NXN: variants seen among roughly 807,000 people sequenced by gnomAD.
The protein encoded by NXN is nucleoredoxin, also known as nucleoredoxin 1.
NXN carries 16 observed loss-of-function variants against 48.6 expected under a neutral mutation model. The ratio of observed to expected loss-of-function variants is 0.33; its 90% CI spans 0.22 to 0.50. The LOEUF (loss-of-function observed/expected upper bound fraction) is 0.50. Ranked by LOEUF, NXN falls within the 20% of genes least tolerant of loss-of-function variation. NXN has a pLI of 0.98. For synonymous variants in NXN, 281 were observed against 269.6 expected (o/e 1.04, Z -0.41); for missense variants, 492 against 605.5 (o/e 0.81, Z 1.97).
chr17:807,685 T>A lies in NXN; in HGVS notation c.821-2438A>T, dbSNP rs948363723. ...GTGTTGGGCCGCGTGACTGTCTGCA[T>A]AAGCAGAAACCAACTTGGGCCCAAG... On this transcript the variant is annotated intron_variant, in intron 5 of 7. Transcript: ENST00000336868. Among the ~76,000 whole-genome samples the A allele has an allele frequency of 7.9e-5, 12 of 152,212 alleles. No homozygotes were observed. In the East Asian group the frequency reaches 2.3e-3, roughly 29 times the overall value.
Position 801,780 on chromosome 17 carries a change from C to A in NXN, c.1126-649G>T, listed in dbSNP as rs148167773. Among the ~76,000 whole-genome samples, 192 of 152,268 alleles carry A rather than the reference C, an allele frequency of 1.3e-3. 2 individuals are homozygous for A. The highest frequency in any genetic ancestry group is 4.3e-3 in the African/African-American group (178 of 41,574). The stretch of plus-strand genomic sequence containing the variant: ...AGCCTCTGATTGTTTATTTTTGTAA[C>A]CAACTGTCAATGATTTGCAGCCCCA... On this transcript the variant is annotated intron_variant, in intron 7 of 7. Coordinates refer to ENST00000336868, the MANE Select transcript of NXN (RefSeq NM_022463.5).
chr17:908,205 T>A (rs1162771485), intron 1 of NXN, among the ~76,000 whole-genome samples: 1 of 152,214 alleles, frequency 6.6e-6, no homozygotes, highest in African/African-American at 2.4e-5. Context: ...TTCTGACCCC[T>A]GATTTTTCTC....
At chr17:837,841 A>G (rs1478843956) in intron 1 of NXN, among the ~76,000 whole-genome samples, 1 of 151,804 alleles carries the variant, frequency 6.6e-6, no homozygotes, top group African/African-American at 2.4e-5. Flanking sequence ...AGAATTCCAA[A>G]CCCTCCTGGT....
chr17:864,071 GC>G, intron 1 of NXN: 1 of 1,450,418 alleles, frequency 6.9e-7, no homozygotes, highest in Non-Finnish European at 9.0e-7. Context: ...CGGTGAAGGG[GC>G]ACAGTTACCG....
intron 5 of NXN, among the ~76,000 whole-genome samples, chr17:807,186 C>G (rs1911603265): frequency 1.3e-5 from 2 of 152,208 alleles, no homozygotes; most frequent in African/African-American, 2.4e-5. Flanking sequence ...CAGGGACCAC[C>G]ACAGGGACAG....
chr17:839,066 A>G (rs1446662723), intron 1 of NXN, among the ~76,000 whole-genome samples: 1 of 152,196 alleles, frequency 6.6e-6, no homozygotes, highest in Non-Finnish European at 1.5e-5. Context: ...TGAGGATAAT[A>G]ACAACACTGC....
At chr17:893,244 A>G (rs2068442435) in intron 1 of NXN, among the ~76,000 whole-genome samples, 1 of 152,192 alleles carries the variant, frequency 6.6e-6, no homozygotes, top group Non-Finnish European at 1.5e-5. Context: ...AGACTGGAAA[A>G]GGTGAGCTTT....
intron 1 of NXN, among the ~76,000 whole-genome samples, chr17:858,517 G>A (rs562853646): frequency 5.3e-5 from 8 of 151,854 alleles, no homozygotes; most frequent in African/African-American, 1.9e-4. Context: ...CACGAGGTCA[G>A]GAGATCGAGA....
In NXN at chr17:800,726, T is replaced by G; in HGVS notation, c.*223A>C. 2 of 376,582 alleles carry G rather than the reference T, an allele frequency of 5.3e-6. No homozygotes were observed. Among genetic ancestry groups the G allele is most frequent in the Non-Finnish European group, 9.4e-6 (2 of 211,794 alleles). 23.3% of individuals were successfully genotyped at this position (376,582 alleles called of 1,614,324 possible). A position where few individuals can be genotyped will look rare whatever the true frequency, so the allele number is the denominator to read the frequency against. On this transcript the variant is annotated 3_prime_UTR_variant, in exon 8 of 8. Coordinates refer to ENST00000336868, the MANE Select transcript of NXN (RefSeq NM_022463.5). ...TCTGGCCGGGCCCCCGGCCATCCCG[T>G]GCTCCCAAACAGAGTCTCCAAACAC... is the stretch of plus-strand genomic sequence containing the variant.
chr17:926,824 G>T (rs959598074), intron 1 of NXN, among the ~76,000 whole-genome samples: 7 of 152,036 alleles, frequency 4.6e-5, no homozygotes, highest in African/African-American at 1.4e-4. Flanking sequence ...TTCCAGGCGT[G>T]AGCCAACGTG....
intron 1 of NXN, among the ~76,000 whole-genome samples, chr17:972,130 A>G (rs989815887): frequency 6.6e-6 from 1 of 152,098 alleles, no homozygotes; most frequent in Non-Finnish European, 1.5e-5. Flanking sequence ...GTGAAACCCC[A>G]TCTCTACTAA....
chr17:840,949 C>T (rs916658421), intron 1 of NXN, among the ~76,000 whole-genome samples: 1 of 152,204 alleles, frequency 6.6e-6, no homozygotes, highest in Admixed American at 6.5e-5. Context: ...GTTCTGGCAG[C>T]CCCCACTCCT....
intron 1 of NXN, among the ~76,000 whole-genome samples, chr17:947,456 G>C (rs191872960): frequency 1.4e-4 from 22 of 151,948 alleles, no homozygotes; most frequent in Non-Finnish European, 2.9e-4. Context: ...TTCAGGGCTC[G>C]GCGTGGTGGC....
intron 1 of NXN, among the ~76,000 whole-genome samples, chr17:831,188 C>T (rs1009657662): frequency 3.3e-5 from 5 of 151,314 alleles, no homozygotes; most frequent in East Asian, 2.0e-4. Flanking sequence ...GGCTGGGTGC[C>T]GTGGATCACA....
chr17:896,855 C>CCCGGGGGGGGGGGGG, intron 1 of NXN: 1 of 1,102,006 alleles, frequency 9.1e-7, no homozygotes, highest in Non-Finnish European at 1.2e-6. Flanking sequence ...GCGGTCCTGA[C>CCCGGGGGGGGGGGGG]CACCCGCCCC....
In NXN at chr17:827,304, C is replaced by T. The variant is rs145002173; in HGVS notation, c.361-1226G>A. 8.1e-3 allele frequency among the ~76,000 whole-genome samples: 1,224 copies of T among 151,658 alleles called. 10 individuals are homozygous for T. The highest frequency in any genetic ancestry group is 0.028 in the African/African-American group (1,147 of 41,308). ...CCATCCTGGCCAACACGGTGAAACC[C>T]CGTCTCTACTAAAAATACAAAAAAT... is the stretch of plus-strand genomic sequence containing the variant. On this transcript the variant is annotated intron_variant, in intron 1 of 7. Coordinates refer to ENST00000336868, the MANE Select transcript of NXN (RefSeq NM_022463.5).
intron 1 of NXN, among the ~76,000 whole-genome samples, chr17:847,065 C>T (rs2144734247): frequency 6.6e-6 from 1 of 152,264 alleles, no homozygotes; most frequent in South Asian, 2.1e-4. Flanking sequence ...TTTTCCGTGT[C>T]CGCTCTGCAA....
intron 1 of NXN, among the ~76,000 whole-genome samples, chr17:840,745 C>T (rs1226011950): frequency 6.6e-6 from 1 of 152,208 alleles, no homozygotes; most frequent in African/African-American, 2.4e-5. Context: ...ATCCGATCGG[C>T]TGTGTCCTCC....
intron 1 of NXN, among the ~76,000 whole-genome samples, chr17:927,024 A>C (rs1281344317): frequency 1.3e-5 from 2 of 149,682 alleles, no homozygotes; most frequent in African/African-American, 5.0e-5. Context: ...TAAGAGAAGC[A>C]AAAGTAAGGC....
Sources: gnomAD v4.1 joint callset for allele counts (sites outside exome capture counted in the v4.1 genomes callset) on GRCh38, gnomAD v4.1.1 for gene constraint, MANE v1.5 for transcripts, NCBI Gene and HGNC (gene_info 2026-07-23, HGNC 2026-07-21) for gene names.